MAGI1: variants seen among roughly 807,000 people sequenced by gnomAD.
The protein encoded by MAGI1 is membrane associated guanylate kinase, WW and PDZ domain containing 1.
Under a neutral mutation model 139.9 loss-of-function variants are expected in MAGI1, and 58 were observed. The ratio of observed to expected loss-of-function variants is 0.41; its 90% CI spans 0.34 to 0.52. MAGI1 has a LOEUF of 0.52. Ranked by LOEUF, MAGI1 falls within the 20% of genes least tolerant of loss-of-function variation. The pLI is 0.12. For missense variants in MAGI1, 1,874 were observed against 1,901.6 expected, an observed-to-expected ratio of 0.99 and a Z score of 0.27; for synonymous variants, 812 against 737.9, an observed-to-expected ratio of 1.10 and a Z score of -1.63.
At chr3:65,380,174 T>C (rs1451088530) in intron 16 of MAGI1, among the ~76,000 whole-genome samples, 3 of 152,214 alleles carry the variant, frequency 2.0e-5, no homozygotes, top group Admixed American at 6.5e-5. Context: ...GGCCTCCTTC[T>C]GAATTTAGTC....
intron 1 of MAGI1, among the ~76,000 whole-genome samples, chr3:65,656,497 A>T (rs1219053223): frequency 6.6e-6 from 1 of 152,226 alleles, no homozygotes; most frequent in Non-Finnish European, 1.5e-5. Context: ...TCTAAACATT[A>T]TGCAAGTAAA....
At chr3:65,697,433 T>G (rs920300898) in intron 1 of MAGI1, among the ~76,000 whole-genome samples, 4 of 145,926 alleles carry the variant, frequency 2.7e-5, no homozygotes, top group Non-Finnish European at 6.0e-5. Context: ...AAAGAGAATT[T>G]TAGACCAATA....
chr3:65,527,711 C>T (rs573124361), intron 2 of MAGI1, among the ~76,000 whole-genome samples: 6 of 151,782 alleles, frequency 4.0e-5, no homozygotes, highest in South Asian at 2.1e-4. Context: ...GGCAACAGAG[C>T]GAGACTCTGT....
intron 18 of MAGI1, among the ~76,000 whole-genome samples, chr3:65,369,922 C>T (rs969313981): frequency 1.3e-5 from 2 of 152,206 alleles, no homozygotes; most frequent in Non-Finnish European, 2.9e-5. Flanking sequence ...AGTAAATATT[C>T]GAGTAAAAAA....
intron 1 of MAGI1, among the ~76,000 whole-genome samples, chr3:65,998,463 T>C (rs891396201): frequency 4.6e-5 from 7 of 152,208 alleles, no homozygotes; most frequent in African/African-American, 1.4e-4. Context: ...CTCAACTTGT[T>C]AGCACTTGCA....
intron 22 of MAGI1, chr3:65,360,798 T>C (rs1431234392): frequency 9.7e-7 from 1 of 1,027,800 alleles, no homozygotes; most frequent in Non-Finnish European, 1.2e-6. Flanking sequence ...AAGGAAAAAA[T>C]AATTGTGCCT....
chr3:65,827,046 T>A (rs1223622118), intron 1 of MAGI1, among the ~76,000 whole-genome samples: 1 of 152,216 alleles, frequency 6.6e-6, no homozygotes, highest in Non-Finnish European at 1.5e-5. Context: ...AAGTTCAGCA[T>A]CAACCTTGGG....
chr3:65,753,339 G>A (rs1042114473), intron 1 of MAGI1, among the ~76,000 whole-genome samples: 3 of 152,220 alleles, frequency 2.0e-5, no homozygotes, highest in East Asian at 1.9e-4. Flanking sequence ...ACACCAATAC[G>A]AAGCACTCTC....
chr3:65,869,363 GTTT>G (rs200727194), intron 1 of MAGI1, among the ~76,000 whole-genome samples: 15,739 of 129,266 alleles, frequency 0.12, 1,012 homozygotes, highest in African/African-American at 0.16. Context: ...GGCAAGACTG[GTTT>G]TTTGTTGTTG....
intron 1 of MAGI1, among the ~76,000 whole-genome samples, chr3:65,685,201 A>G (rs1273576227): frequency 6.6e-6 from 1 of 152,120 alleles, no homozygotes; most frequent in Non-Finnish European, 1.5e-5. Context: ...GAAAATTAGT[A>G]TCATTAAGAT....
At chr3:65,530,387 G>C (rs1385877490) in intron 2 of MAGI1, among the ~76,000 whole-genome samples, 2 of 151,958 alleles carry the variant, frequency 1.3e-5, no homozygotes, top group Non-Finnish European at 2.9e-5. Flanking sequence ...GCTGAGGTAG[G>C]TGTATTGCTT....
intron 1 of MAGI1, among the ~76,000 whole-genome samples, chr3:65,901,906 G>A (rs1164803618): frequency 6.7e-6 from 1 of 150,356 alleles, no homozygotes; most frequent in Admixed American, 6.7e-5. Flanking sequence ...ATACTTACGA[G>A]GTTTTAAAAT....
intron 1 of MAGI1, among the ~76,000 whole-genome samples, chr3:65,841,751 AT>A (rs1182740285): frequency 6.6e-6 from 1 of 152,084 alleles, no homozygotes; most frequent in Non-Finnish European, 1.5e-5. Flanking sequence ...TAATATAAGC[AT>A]TTAGTGTCAT....
At chr3:65,447,188 C>G (rs1015465718) in intron 7 of MAGI1, among the ~76,000 whole-genome samples, 1 of 152,192 alleles carries the variant, frequency 6.6e-6, no homozygotes, top group Non-Finnish European at 1.5e-5. Context: ...AGCAATTTAG[C>G]TGAAACTTAT....
At chr3:65,945,785 G>A (rs2063520883) in intron 1 of MAGI1, among the ~76,000 whole-genome samples, 1 of 152,050 alleles carries the variant, frequency 6.6e-6, no homozygotes, top group African/African-American at 2.4e-5. Context: ...GTGATTCTGG[G>A]GACTACCCAA....
chr3:65,871,501 A>G (rs1037086038), intron 1 of MAGI1, among the ~76,000 whole-genome samples: 1 of 152,182 alleles, frequency 6.6e-6, no homozygotes, highest in African/African-American at 2.4e-5. Flanking sequence ...AGAGAGGAAA[A>G]TAACTGTGGA....
chr3:65,894,826 T>C (rs994247685), intron 1 of MAGI1, among the ~76,000 whole-genome samples: 1 of 152,210 alleles, frequency 6.6e-6, no homozygotes, highest in Admixed American at 6.5e-5. Flanking sequence ...GCTATGAGTG[T>C]CTCTTCTGGC....
chr3:65,914,556 T>A (rs2108689232), intron 1 of MAGI1, among the ~76,000 whole-genome samples: 1 of 152,300 alleles, frequency 6.6e-6, no homozygotes, highest in Middle Eastern at 3.4e-3. Flanking sequence ...CAGTGCTGAC[T>A]CTAGCTCCCC....
At chr3:65,895,622 A>T (rs2060937921) in intron 1 of MAGI1, among the ~76,000 whole-genome samples, 1 of 152,226 alleles carries the variant, frequency 6.6e-6, no homozygotes, top group South Asian at 2.1e-4. Context: ...ATCAAAGGGA[A>T]TAACTTAACC....
Sources: allele counts gnomAD v4.1 joint callset (sites outside exome capture counted in the v4.1 genomes callset), GRCh38; gene constraint gnomAD v4.1.1; transcripts MANE v1.5; gene names NCBI Gene and HGNC (gene_info 2026-07-23, HGNC 2026-07-21).